The following ANK3 variants were observed in gnomAD, a reference collection of about 807,000 sequenced individuals.
ANK3 encodes the protein ankyrin 3.
A neutral mutation model predicts 370.9 loss-of-function variants in ANK3; 57 were observed. The observed-to-expected ratio is 0.15, with a 90% CI of 0.12 to 0.19. The LOEUF is 0.19. ANK3 is among the 10% of genes least tolerant of loss of function. The pLI is 1.00. For synonymous variants in ANK3, 1,929 were observed against 1,946.3 expected (o/e 0.99, Z 0.23); for missense variants, 4,439 against 5,302.1 (o/e 0.84, Z 5.06).
chr10:60,200,819 C>T (rs962796465), intron 12 of ANK3, among the ~76,000 whole-genome samples: 3 of 152,236 alleles, frequency 2.0e-5, no homozygotes, highest in Non-Finnish European at 4.4e-5. Context: ...GGCTTGTCAA[C>T]AGCCGGTTTG....
intron 2 of ANK3, among the ~76,000 whole-genome samples, chr10:60,552,842 G>A (rs1313805658): frequency 6.6e-6 from 1 of 152,112 alleles, no homozygotes; most frequent in Non-Finnish European, 1.5e-5. Context: ...ATGGGGGTGG[G>A]TCTTTGCCGT....
chr10:60,196,354 C>T (rs1413099540), intron 15 of ANK3, 111 bp from the exon 16 acceptor site: 29 of 1,060,524 alleles, frequency 2.7e-5, no homozygotes, highest in South Asian at 5.9e-5. Flanking sequence ...ATTTACATTC[C>T]GGTTTCCACA....
intron 25 of ANK3, among the ~76,000 whole-genome samples, chr10:60,122,855 T>A (rs1026597550): frequency 1.3e-5 from 2 of 152,320 alleles, no homozygotes; most frequent in African/African-American, 4.8e-5. Context: ...GTAATACACA[T>A]AGGATGCTTT....
At chr10:60,620,230 A>G (rs2078317366) in intron 1 of ANK3, among the ~76,000 whole-genome samples, 1 of 152,180 alleles carries the variant, frequency 6.6e-6, no homozygotes, top group Non-Finnish European at 1.5e-5. Context: ...GTCAATGTGT[A>G]TGATAAAAAA....
chr10:60,036,925 A>G (rs998465574), intron 43 of ANK3, among the ~76,000 whole-genome samples: 1 of 152,174 alleles, frequency 6.6e-6, no homozygotes. Flanking sequence ...TCGGACTTGC[A>G]TATGTAACAT....
chr10:60,697,263 C>G lies in ANK3; in HGVS notation c.57+36000G>C, dbSNP rs1370668336. On this transcript the variant is annotated intron_variant, in intron 1 of 43. Transcript: ENST00000373827. ...TCAAGGAAATAAAAGAGGATACAAA[C>G]AAATGGAAGAACATTCCATGCTCAT... 2.0e-5 allele frequency among the ~76,000 whole-genome samples: 3 copies of G among 150,842 alleles called. No homozygotes were observed. The East Asian group carries it at 5.8e-4, about 29-fold the overall frequency.
intron 1 of ANK3, among the ~76,000 whole-genome samples, chr10:60,702,358 A>G (rs2079556288): frequency 2.0e-5 from 3 of 152,156 alleles, no homozygotes; most frequent in Admixed American, 1.3e-4. Flanking sequence ...TGTACTCTAT[A>G]TCCTAAGTGA....
intron 2 of ANK3, among the ~76,000 whole-genome samples, chr10:60,482,393 C>T (rs1595120012): frequency 6.6e-6 from 1 of 152,200 alleles, no homozygotes; most frequent in Non-Finnish European, 1.5e-5. Flanking sequence ...CCAGTTTCTC[C>T]TTCAGCTAAT....
rs888094483 is a variant in ANK3, at chr10:60,278,432, T to C, written c.414+342A>G. On this transcript the variant is annotated intron_variant, in intron 4 of 43. Transcript: ENST00000280772. ...CTCTGTCACCCAGGCTGGAGTACAGTGGTGCAATCTCGGCTCACTGCAACC... is the reference window on the plus strand; with the variant it reads ...CTCTGTCACCCAGGCTGGAGTACAGCGGTGCAATCTCGGCTCACTGCAACC... 4.6e-5 allele frequency among the ~76,000 whole-genome samples: 7 copies of C among 152,236 alleles called. No individual in the cohort carries two copies. The East Asian group carries it at 1.2e-3, about 25-fold the overall frequency.
At chr10:60,495,182 AG>A (rs2075622106) in intron 2 of ANK3, among the ~76,000 whole-genome samples, 1 of 146,686 alleles carries the variant, frequency 6.8e-6, no homozygotes, top group African/African-American at 2.5e-5. Flanking sequence ...AATTTTAAGA[AG>A]CTTTTCTAAA....
intron 38 of ANK3, 113 bp downstream of exon 38, chr10:60,067,822 G>T: frequency 2.7e-6 from 2 of 743,634 alleles, no homozygotes; most frequent in South Asian, 3.0e-5. Flanking sequence ...TGATAAAAAT[G>T]TTTTTTACTA....
intron 1 of ANK3, among the ~76,000 whole-genome samples, chr10:60,362,579 T>G (rs567175268): frequency 1.7e-4 from 26 of 152,194 alleles, no homozygotes; most frequent in Non-Finnish European, 2.4e-4. Context: ...AGGATCTTAA[T>G]GAATACGATT....
intron 2 of ANK3, among the ~76,000 whole-genome samples, chr10:60,511,258 TAAA>T (rs2076072544): frequency 6.6e-6 from 1 of 152,136 alleles, no homozygotes; most frequent in African/African-American, 2.4e-5. Flanking sequence ...TGTTGGCCAA[TAAA>T]AAACAGGTCT....
chr10:60,711,242 G>C (rs2079701050), intron 1 of ANK3, among the ~76,000 whole-genome samples: 1 of 152,120 alleles, frequency 6.6e-6, no homozygotes, highest in Non-Finnish European at 1.5e-5. Flanking sequence ...AAGGATAAAT[G>C]CTTGAGGGGA....
chr10:60,598,647 A>G (rs961125930), intron 2 of ANK3, among the ~76,000 whole-genome samples: 4 of 152,204 alleles, frequency 2.6e-5, no homozygotes, highest in African/African-American at 9.6e-5. Flanking sequence ...CCCTTTATCA[A>G]AAAGTATTTT....
At chr10:60,088,660 G>T (rs754655619) in intron 28 of ANK3, among the ~76,000 whole-genome samples, 1 of 152,062 alleles carries the variant, frequency 6.6e-6, no homozygotes, top group Non-Finnish European at 1.5e-5. Context: ...CGCGACCTCC[G>T]GTGATCTGCC....
At chr10:60,169,496 A>C (rs1184074222) in intron 21 of ANK3, among the ~76,000 whole-genome samples, 3 of 149,730 alleles carry the variant, frequency 2.0e-5, no homozygotes, top group African/African-American at 7.4e-5. Context: ...ATCATTGTTG[A>C]TGTTGATCTT....
At chr10:60,580,801 A>T (rs1417065758) in intron 2 of ANK3, among the ~76,000 whole-genome samples, 1 of 152,006 alleles carries the variant, frequency 6.6e-6, no homozygotes, top group Non-Finnish European at 1.5e-5. Context: ...TTCGCAGGGA[A>T]TCTGGTCTAG....
chr10:60,593,830 A>C (rs1454453986), intron 2 of ANK3, among the ~76,000 whole-genome samples: 3 of 152,222 alleles, frequency 2.0e-5, no homozygotes, highest in African/African-American at 7.2e-5. Context: ...CAAACAGGAA[A>C]ATGAAGGTAT....
Sources: gnomAD v4.1 joint callset for allele counts (sites outside exome capture counted in the v4.1 genomes callset) on GRCh38, gnomAD v4.1.1 for gene constraint, MANE v1.5 for transcripts, NCBI Gene and HGNC (gene_info 2026-07-23, HGNC 2026-07-21) for gene names.